The following PTPRT variants were observed in gnomAD, a reference collection of about 807,000 sequenced individuals.
PTPRT encodes the protein receptor-type tyrosine-protein phosphatase T.
A neutral mutation model predicts 176.8 loss-of-function variants in PTPRT; 56 were observed. The observed-to-expected ratio is 0.32, with a 90% CI of 0.26 to 0.40. The LOEUF (loss-of-function observed/expected upper bound fraction) is 0.40. PTPRT is among the 10% of genes least tolerant of loss of function. The pLI is 1.00. For missense variants in PTPRT, 1,540 were observed against 1,908.2 expected, an observed-to-expected ratio of 0.81 and a Z score of 3.60; for synonymous variants, 783 against 739.0, an observed-to-expected ratio of 1.06 and a Z score of -0.96.
chr20:43,046,710 C>G (rs887446091), intron 1 of PTPRT, among the ~76,000 whole-genome samples: 26 of 152,166 alleles, frequency 1.7e-4, no homozygotes, highest in African/African-American at 6.0e-4. Context: ...ACACCAGCAT[C>G]CTGCACAGTT....
In PTPRT at chr20:43,189,797, C is replaced by T. The variant is rs893922357; in HGVS notation, c.-64G>A. 24 of 929,916 alleles carry T rather than the reference C, an allele frequency of 2.6e-5. No individual in the cohort carries two copies. Among genetic ancestry groups the T allele is most frequent in the Non-Finnish European group, 3.1e-5 (24 of 766,796 alleles). The allele number at this position is 929,916 out of a possible 1,614,324, so 57.6% of individuals were successfully genotyped here. A position where few individuals can be genotyped will look rare whatever the true frequency, so the allele number is the denominator to read the frequency against. ...GCCGGGGCCGGGACTGGGGCGGGCG[C>T]GGGGTGGCCCCGCATCGCCGGCGCG... On this transcript the variant is annotated 5_prime_UTR_variant, in exon 1 of 31. Transcript: ENST00000373187. This position sits in a 1 kb window ranked among gnomAD's most constrained non-coding sequence, Gnocchi z 5.0.
chr20:42,975,142 TG>T (rs1364584918), intron 1 of PTPRT, among the ~76,000 whole-genome samples: 2 of 152,082 alleles, frequency 1.3e-5, no homozygotes, highest in Non-Finnish European at 2.9e-5. Flanking sequence ...AAATCAGATG[TG>T]AAAAAAATGT....
chr20:42,905,232 C>T (rs1026011757), intron 1 of PTPRT, among the ~76,000 whole-genome samples: 1 of 152,138 alleles, frequency 6.6e-6, no homozygotes, highest in Non-Finnish European at 1.5e-5. Flanking sequence ...AAATAACAAA[C>T]AACCCCATCA....
intron 7 of PTPRT, among the ~76,000 whole-genome samples, chr20:42,669,606 G>C (rs1367880923): frequency 6.6e-6 from 1 of 152,128 alleles, no homozygotes; most frequent in African/African-American, 2.4e-5. Context: ...TTTATAGATG[G>C]TGCCGCCAAG....
chr20:42,660,686 T>G (rs1457431960), intron 7 of PTPRT, among the ~76,000 whole-genome samples: 1 of 152,176 alleles, frequency 6.6e-6, no homozygotes, highest in Non-Finnish European at 1.5e-5. Flanking sequence ...TCCCTCCAGG[T>G]GCCATCCATG....
chr20:42,383,432 C>A (rs1439428571), intron 9 of PTPRT, among the ~76,000 whole-genome samples: 1 of 144,362 alleles, frequency 6.9e-6, no homozygotes, highest in Non-Finnish European at 1.5e-5. Flanking sequence ...AAAAAAAAAA[C>A]AACTATTTGA....
At chr20:42,591,886 G>A (rs985867182) in intron 7 of PTPRT, among the ~76,000 whole-genome samples, 4 of 151,748 alleles carry the variant, frequency 2.6e-5, no homozygotes, top group Admixed American at 1.3e-4. Flanking sequence ...ATAAGAGACC[G>A]AGCACTGGTG....
At chr20:42,832,700 G>GAAAAAAAAA (rs60235829) in intron 2 of PTPRT, among the ~76,000 whole-genome samples, 1 of 75,510 alleles carries the variant, frequency 1.3e-5, no homozygotes, top group Non-Finnish European at 2.7e-5. Context: ...AATACAGAAA[G>GAAAAAAAAA]AAAAAAAAAA....
intron 1 of PTPRT, among the ~76,000 whole-genome samples, chr20:43,068,816 G>C (rs1324128074): frequency 6.6e-6 from 1 of 152,166 alleles, no homozygotes; most frequent in Admixed American, 6.5e-5. Flanking sequence ...AAGGAAGCCA[G>C]GTGAAAAGAT....
At chr20:42,668,698 T>G (rs2075360114) in intron 7 of PTPRT, among the ~76,000 whole-genome samples, 1 of 146,976 alleles carries the variant, frequency 6.8e-6, no homozygotes, top group Non-Finnish European at 1.5e-5. Context: ...GGATAATTCT[T>G]TTTTTTTTTT....
At chr20:42,131,423 G>A (rs1600565039) in intron 18 of PTPRT, among the ~76,000 whole-genome samples, 1 of 152,298 alleles carries the variant, frequency 6.6e-6, no homozygotes, top group Non-Finnish European at 1.5e-5. Flanking sequence ...CCTGCCCCTG[G>A]GGCCCATAGC....
At chr20:42,112,983 T>C (rs1002572839) in intron 22 of PTPRT, among the ~76,000 whole-genome samples, 11 of 152,200 alleles carry the variant, frequency 7.2e-5, no homozygotes, top group African/African-American at 2.7e-4. Context: ...GCTGTGATGA[T>C]TTATCAAGGA....
At chr20:42,252,596 T>C (rs185281078) in intron 13 of PTPRT, among the ~76,000 whole-genome samples, 54 of 152,206 alleles carry the variant, frequency 3.5e-4, no homozygotes, top group Admixed American at 5.9e-4. Context: ...TGATCAACTA[T>C]GCCAAAGGCT....
chr20:42,814,326 A>T (rs2077745321), intron 2 of PTPRT, among the ~76,000 whole-genome samples: 2 of 152,232 alleles, frequency 1.3e-5, no homozygotes, highest in Admixed American at 1.3e-4. Context: ...TCTGTAATTC[A>T]GTTTCTGTCA....
At chr20:42,808,307 AAC>A (rs2077643204) in intron 2 of PTPRT, among the ~76,000 whole-genome samples, 1 of 152,224 alleles carries the variant, frequency 6.6e-6, no homozygotes, top group South Asian at 2.1e-4. Flanking sequence ...CAGAGAATCC[AAC>A]AGTGACAATG....
At chr20:42,547,242 T>C (rs922377785) in intron 7 of PTPRT, among the ~76,000 whole-genome samples, 3 of 152,190 alleles carry the variant, frequency 2.0e-5, no homozygotes, top group African/African-American at 7.2e-5. Context: ...TAAGAAGCTC[T>C]ACAGTAAGTG....
Position 42,079,396 on chromosome 20 carries a change from C to CT in PTPRT, c.*1482dup. On this transcript the variant is annotated 3_prime_UTR_variant, in exon 31 of 31. Coordinates refer to ENST00000373187, the MANE Select transcript of PTPRT (RefSeq NM_007050.6). ...CACGGAGAAGTCTCATTGCCATTAC[C>CT]TGCCCCTTTGGAACCCAGGATTTCA... 4.7e-6 allele frequency: 1 copy of CT among 214,702 alleles called. No homozygotes were observed. The highest frequency in any genetic ancestry group is 6.9e-5 in the East Asian group (1 of 14,480). 13.3% of individuals were successfully genotyped at this position (214,702 alleles called of 1,614,324 possible).
At chr20:42,610,437 C>G (rs535665427) in intron 7 of PTPRT, among the ~76,000 whole-genome samples, 1 of 142,444 alleles carries the variant, frequency 7.0e-6, no homozygotes, top group African/African-American at 2.5e-5. Flanking sequence ...CCAGTCTGGT[C>G]TCGAACTTCT....
chr20:42,614,546 C>T (rs188293864), intron 7 of PTPRT, among the ~76,000 whole-genome samples: 1 of 140,242 alleles, frequency 7.1e-6, no homozygotes, highest in East Asian at 2.0e-4. Context: ...GTCACCACCC[C>T]CTTCTATTCC....
Sources: allele counts gnomAD v4.1 joint callset (sites outside exome capture counted in the v4.1 genomes callset), GRCh38; gene constraint gnomAD v4.1.1; non-coding constraint Gnocchi (gnomAD v3.1); transcripts MANE v1.5; gene names NCBI Gene and HGNC (gene_info 2026-07-23, HGNC 2026-07-21).